FOXP1: variants seen among roughly 807,000 people sequenced by gnomAD.
FOXP1 encodes the protein forkhead box P1, also known as forkhead box protein P1.
FOXP1 carries 15 observed loss-of-function variants against 98.2 expected under a neutral mutation model. That is an observed-to-expected ratio of 0.15 (90% CI 0.10 to 0.24). The LOEUF (loss-of-function observed/expected upper bound fraction) is 0.24, where lower values mean the gene tolerates loss of function less well. FOXP1 is among the 10% of genes least tolerant of loss of function. FOXP1 has a pLI of 1.00. For missense variants in FOXP1, 633 were observed against 848.5 expected (o/e 0.75, Z 3.15); for synonymous variants, 371 against 314.5 (o/e 1.18, Z -1.90).
At chr3:71,435,972 G>GAGGGAAGA (rs773061878) in intron 3 of FOXP1, among the ~76,000 whole-genome samples, 1 of 144,522 alleles carries the variant, frequency 6.9e-6, no homozygotes, top group Non-Finnish European at 1.5e-5. Flanking sequence ...AGGAAAAAAG[G>GAGGGAAGA]AGGGAAGGAG....
chr3:71,397,045 T>C lies in FOXP1; in HGVS notation c.-167-37801A>G, dbSNP rs867586758. Among the ~76,000 whole-genome samples, 11 of 96,004 alleles carry C rather than the reference T, an allele frequency of 1.1e-4. 1 individual carries two copies. Among genetic ancestry groups the C allele is most frequent in the South Asian group, 3.3e-4 (1 of 2,990 alleles). The allele number at this position is 96,004 out of a possible 152,430, so 63.0% of individuals were successfully genotyped here. Reference sequence around the variant, plus strand: ...ATATACATATATATGTGTATATATATATACACATATATATGTGTATATATA... The same window carrying C: ...ATATACATATATATGTGTATATATACATACACATATATATGTGTATATATA... On this transcript the variant is annotated intron_variant, in intron 3 of 20. Transcript: ENST00000649528.
intron 2 of FOXP1, among the ~76,000 whole-genome samples, chr3:71,519,317 G>A (rs889106129): frequency 1.3e-5 from 2 of 152,140 alleles, no homozygotes; most frequent in African/African-American, 4.8e-5. Flanking sequence ...TAGAAGGCTG[G>A]GGATACCATG....
chr3:70,966,241 G>C, intron 19 of FOXP1, 185 bp from the exon 20 acceptor site: 2 of 640,822 alleles, frequency 3.1e-6, no homozygotes, highest in East Asian at 5.8e-5. Flanking sequence ...TCCCAAGCTT[G>C]GTTTTGAAGA....
intron 3 of FOXP1, among the ~76,000 whole-genome samples, chr3:71,426,950 A>T (rs1300411021): frequency 6.6e-6 from 1 of 151,444 alleles, no homozygotes; most frequent in Non-Finnish European, 1.5e-5. Context: ...AATCCCAACT[A>T]CTCAGGAGGC....
At chr3:71,132,623 T>C (rs1244894145) in intron 6 of FOXP1, among the ~76,000 whole-genome samples, 1 of 152,220 alleles carries the variant, frequency 6.6e-6, no homozygotes, top group Non-Finnish European at 1.5e-5. Flanking sequence ...GCAAGCACCC[T>C]CTGGGACTGC....
intron 4 of FOXP1, among the ~76,000 whole-genome samples, chr3:71,316,559 A>C (rs1015844889): frequency 6.6e-6 from 1 of 152,096 alleles, no homozygotes; most frequent in African/African-American, 2.4e-5. Context: ...TGGATCCACC[A>C]CAGAGCTGCC....
In FOXP1 at chr3:70,955,830, G is replaced by GCACA. The variant is rs886058826; in HGVS notation, c.*3416_*3417insTGTG. On this transcript the variant is annotated 3_prime_UTR_variant, in exon 21 of 21. Coordinates refer to ENST00000649528, the MANE Select transcript of FOXP1 (RefSeq NM_001349338.3). ...AAAACAGATTAACACACACGCACGCGCGCACACACACACACACACACACAC... is the reference window on the plus strand; with the variant it reads ...AAAACAGATTAACACACACGCACGCGCACACGCACACACACACACACACACACAC... The GCACA allele has an allele frequency of 2.9e-5, 6 of 205,806 alleles. No individual in the cohort carries two copies. Among genetic ancestry groups the GCACA allele is most frequent in the East Asian group, 2.1e-4 (3 of 14,226 alleles). 12.7% of individuals were successfully genotyped at this position (205,806 alleles called of 1,614,324 possible).
At chr3:71,351,736 C>T (rs567369214) in intron 4 of FOXP1, among the ~76,000 whole-genome samples, 1 of 152,298 alleles carries the variant, frequency 6.6e-6, no homozygotes, top group South Asian at 2.1e-4. Context: ...GAGGGAGACC[C>T]TCTCACTTTT....
intron 5 of FOXP1, among the ~76,000 whole-genome samples, chr3:71,260,826 G>GC (rs1400691434): frequency 1.3e-5 from 2 of 152,068 alleles, no homozygotes; most frequent in African/African-American, 4.8e-5. Flanking sequence ...ACAGGCATGA[G>GC]CCCCCACGCC....
chr3:71,163,891 T>C (rs1402050700), intron 6 of FOXP1, among the ~76,000 whole-genome samples: 1 of 152,042 alleles, frequency 6.6e-6, no homozygotes, highest in Non-Finnish European at 1.5e-5. Context: ...TTTTCTCCCA[T>C]GACAATAGAA....
chr3:71,195,497 C>A (rs958952752), intron 6 of FOXP1, among the ~76,000 whole-genome samples: 1 of 152,304 alleles, frequency 6.6e-6, no homozygotes, highest in Non-Finnish European at 1.5e-5. Flanking sequence ...TTATACCAGG[C>A]CCTTTTAAGC....
intron 3 of FOXP1, among the ~76,000 whole-genome samples, chr3:71,395,072 C>T (rs1438593677): frequency 7.4e-6 from 1 of 135,828 alleles, no homozygotes; most frequent in African/African-American, 2.9e-5. Flanking sequence ...TGCACTCCAG[C>T]CTGGGCAACA....
chr3:70,969,890 C>G (rs2035834156), intron 19 of FOXP1: 1 of 150,768 alleles, frequency 6.6e-6, no homozygotes, highest in Non-Finnish European at 1.5e-5. Context: ...AACAGGACCA[C>G]TGGCCAAAAG....
intron 3 of FOXP1, among the ~76,000 whole-genome samples, chr3:71,396,800 C>A (rs141895084): frequency 1.6e-4 from 24 of 149,266 alleles, no homozygotes; most frequent in Admixed American, 4.0e-4. Flanking sequence ...CTCACACCCA[C>A]GAATACAGCC....
chr3:71,230,983 G>A (rs940547359), intron 5 of FOXP1, among the ~76,000 whole-genome samples: 11 of 152,164 alleles, frequency 7.2e-5, no homozygotes, highest in Non-Finnish European at 1.3e-4. Context: ...AATTCCAGTA[G>A]AGTCTGACTA....
At chr3:71,145,462 G>A (rs150991742) in intron 6 of FOXP1, among the ~76,000 whole-genome samples, 227 of 152,016 alleles carry the variant, frequency 1.5e-3, no homozygotes, top group African/African-American at 5.2e-3. Context: ...AGAATCGCTT[G>A]AACCGGAGGG....
intron 2 of FOXP1, among the ~76,000 whole-genome samples, chr3:71,560,924 G>A (rs1286319390): frequency 6.6e-6 from 1 of 152,188 alleles, no homozygotes; most frequent in Non-Finnish European, 1.5e-5. Flanking sequence ...GGGGTGGAGA[G>A]AGGATGAGTG....
At chr3:71,303,200 T>A (rs1048939059) in intron 4 of FOXP1, among the ~76,000 whole-genome samples, 18 of 152,210 alleles carry the variant, frequency 1.2e-4, no homozygotes, top group African/African-American at 4.3e-4. Flanking sequence ...GATTTCTGCA[T>A]TATATTTCAT....
At chr3:70,988,865 G>A (rs1240420351) in intron 13 of FOXP1, among the ~76,000 whole-genome samples, 1 of 152,138 alleles carries the variant, frequency 6.6e-6, no homozygotes, top group Non-Finnish European at 1.5e-5. Context: ...GATTACTTCT[G>A]TAAAAGAAGT....
Sources: gnomAD v4.1 joint callset for allele counts (sites outside exome capture counted in the v4.1 genomes callset) on GRCh38, gnomAD v4.1.1 for gene constraint, MANE v1.5 for transcripts, NCBI Gene and HGNC (gene_info 2026-07-23, HGNC 2026-07-21) for gene names.